The following PRPSAP2 variants were observed in gnomAD, a reference collection of about 807,000 sequenced individuals.
PRPSAP2 encodes phosphoribosyl pyrophosphate synthetase associated protein 2.
Under a neutral mutation model 40.6 loss-of-function variants are expected in PRPSAP2, and 24 were observed. That is an observed-to-expected ratio of 0.59 (90% CI 0.43 to 0.83). PRPSAP2 has a LOEUF of 0.83. PRPSAP2 is among the 40% of genes least tolerant of loss of function. The pLI is 0.00. For missense variants in PRPSAP2, 292 were observed against 465.6 expected (o/e 0.63, Z 3.43); for synonymous variants, 149 against 164.7 (o/e 0.90, Z 0.73).
chr17:18,866,576 A>G (rs1251207990), intron 3 of PRPSAP2, among the ~76,000 whole-genome samples: 1 of 152,146 alleles, frequency 6.6e-6, no homozygotes, highest in Non-Finnish European at 1.5e-5. Flanking sequence ...GAACATTAAC[A>G]TGTATATTAT....
At chr17:18,882,201 C>T (rs193033184) in intron 6 of PRPSAP2, among the ~76,000 whole-genome samples, 3 of 152,062 alleles carry the variant, frequency 2.0e-5, no homozygotes, top group East Asian at 1.9e-4. Flanking sequence ...CTATTTTATA[C>T]AGTGCAACTT....
chr17:18,877,687 C>T lies in PRPSAP2; in HGVS notation c.240-11C>T. The T allele has an allele frequency of 6.3e-7, 1 of 1,596,282 alleles. No individual in the cohort carries two copies. The highest frequency in any genetic ancestry group is 8.5e-7 in the Non-Finnish European group (1 of 1,173,178). ...GATCCCTTGATGAGATTTGCTGTGT[C>T]TTTGTTACAGGGACGTGAACACCAC... On this transcript the variant is annotated splice_polypyrimidine_tract_variant and intron_variant, in intron 5 of 11. Transcript: ENST00000268835.
chr17:18,929,025 A>C, intron 11 of PRPSAP2, 68 bp downstream of exon 11: 1 of 1,557,156 alleles, frequency 6.4e-7, no homozygotes, highest in Non-Finnish European at 8.7e-7. Context: ...CTTTAGTTAC[A>C]GAGAGTCAGG....
At chr17:18,868,477 T>A in intron 4 of PRPSAP2, among the ~76,000 whole-genome samples, 1 of 149,134 alleles carries the variant, frequency 6.7e-6, no homozygotes. Context: ...AGACTTTGTC[T>A]CAGGGGAAAA....
At chr17:18,908,190 G>T in intron 8 of PRPSAP2, 1 of 637,578 alleles carries the variant, frequency 1.6e-6, no homozygotes, top group East Asian at 2.7e-5. Context: ...GCGGTGGGAA[G>T]AAGCTCCTGC....
At chr17:18,906,568 T>C (rs1414403173) in intron 8 of PRPSAP2, among the ~76,000 whole-genome samples, 2 of 151,924 alleles carry the variant, frequency 1.3e-5, no homozygotes, top group Admixed American at 6.6e-5. Flanking sequence ...TTGCCCAGGC[T>C]GGTCTCAAAC....
At chr17:18,893,326 T>A (rs908894941) in intron 8 of PRPSAP2, among the ~76,000 whole-genome samples, 8 of 151,846 alleles carry the variant, frequency 5.3e-5, no homozygotes, top group Non-Finnish European at 2.9e-5. Flanking sequence ...TTTTTTGTAT[T>A]TTTTAGTAGA....
chr17:18,868,112 T>C (rs11871889), intron 4 of PRPSAP2, among the ~76,000 whole-genome samples: 54,686 of 151,096 alleles, frequency 0.36, 9,972 homozygotes, highest in Non-Finnish European at 0.4. Context: ...TGAGACCCTG[T>C]CTCAAAAATA....
At chr17:18,878,706 C>T (rs1484865170) in intron 6 of PRPSAP2, among the ~76,000 whole-genome samples, 5 of 152,008 alleles carry the variant, frequency 3.3e-5, no homozygotes, top group African/African-American at 4.8e-5. Context: ...TACAGGCATG[C>T]GCCACCACGC....
intron 10 of PRPSAP2, 88 bp downstream of exon 10, chr17:18,924,072 C>CA (rs1311896550): frequency 3.7e-6 from 5 of 1,333,426 alleles, no homozygotes; most frequent in African/African-American, 1.5e-5. Context: ...TACAGAGACT[C>CA]ACTGTCGCCC....
intron 1 of PRPSAP2, among the ~76,000 whole-genome samples, chr17:18,859,934 CAG>C (rs769872084): frequency 7.3e-5 from 11 of 151,724 alleles, no homozygotes; most frequent in Non-Finnish European, 1.0e-4. Flanking sequence ...TTAGTAGAGA[CAG>C]GGTGTCACCA....
At chr17:18,895,688 T>C (rs1260191640) in intron 8 of PRPSAP2, among the ~76,000 whole-genome samples, 2 of 152,078 alleles carry the variant, frequency 1.3e-5, no homozygotes, top group Non-Finnish European at 2.9e-5. Flanking sequence ...TGCAGTGGCA[T>C]GATCTCAGCT....
Position 18,867,340 on chromosome 17 carries a change from C to A in PRPSAP2, c.172+6C>A. ...TTACCAGGAACCTAACAGAGGTGAGCTATCTTGGGCATGTGGAACATTGAC... is the reference window on the plus strand; with the variant it reads ...TTACCAGGAACCTAACAGAGGTGAGATATCTTGGGCATGTGGAACATTGAC... On this transcript the variant is annotated splice_donor_region_variant and intron_variant, in intron 4 of 11. Coordinates refer to ENST00000268835, the MANE Select transcript of PRPSAP2 (RefSeq NM_002767.4). 2 of 1,613,892 alleles carry A rather than the reference C, an allele frequency of 1.2e-6. No homozygotes were observed. The highest frequency in any genetic ancestry group is 1.7e-6 in the Non-Finnish European group (2 of 1,179,892).
At chr17:18,909,623 A>G (rs1376379940) in intron 8 of PRPSAP2, among the ~76,000 whole-genome samples, 1 of 152,038 alleles carries the variant, frequency 6.6e-6, no homozygotes, top group Non-Finnish European at 1.5e-5. Context: ...TTATCAGGAG[A>G]TAAGAAAGCA....
At chr17:18,872,157 C>T (rs1437227883) in intron 4 of PRPSAP2, among the ~76,000 whole-genome samples, 1 of 151,872 alleles carries the variant, frequency 6.6e-6, no homozygotes, top group Non-Finnish European at 1.5e-5. Flanking sequence ...CCTGTAGTTC[C>T]AGCCACTCGG....
intron 5 of PRPSAP2, among the ~76,000 whole-genome samples, chr17:18,873,355 T>C (rs1451859907): frequency 6.6e-6 from 1 of 151,982 alleles, no homozygotes; most frequent in African/African-American, 2.4e-5. Context: ...TATAGGCATG[T>C]GTCACCACGC....
At chr17:18,896,846 C>G (rs1287752681) in intron 8 of PRPSAP2, among the ~76,000 whole-genome samples, 1 of 152,102 alleles carries the variant, frequency 6.6e-6, no homozygotes, top group Non-Finnish European at 1.5e-5. Context: ...GGTTGCTAGT[C>G]TTCTGTTTCT....
chr17:18,862,088 A>G (rs2037063818), intron 1 of PRPSAP2, among the ~76,000 whole-genome samples: 1 of 152,160 alleles, frequency 6.6e-6, no homozygotes, highest in Admixed American at 6.5e-5. Context: ...AGGTTTCACC[A>G]TGTTGGCCAG....
intron 8 of PRPSAP2, among the ~76,000 whole-genome samples, chr17:18,910,185 C>T (rs2040871784): frequency 6.6e-6 from 1 of 152,032 alleles, no homozygotes; most frequent in African/African-American, 2.4e-5. Flanking sequence ...TTTGGGAGGT[C>T]GAGGTGGGTG....
Sources: gnomAD v4.1 joint callset for allele counts (sites outside exome capture counted in the v4.1 genomes callset) on GRCh38, gnomAD v4.1.1 for gene constraint, MANE v1.5 for transcripts, NCBI Gene and HGNC (gene_info 2026-07-23, HGNC 2026-07-21) for gene names.